Variants in CCSER1 observed in about 807,000 individuals in gnomAD.
CCSER1 encodes serine-rich coiled-coil domain-containing protein 1.
In CCSER1, 41 loss-of-function variants were observed where a neutral mutation model predicts 82.0. The ratio of observed to expected loss-of-function variants is 0.50; its 90% CI spans 0.39 to 0.65. The LOEUF is 0.65. CCSER1 is among the 30% of genes least tolerant of loss of function. The probability of loss-of-function intolerance (pLI) is 0.00; values close to 1 mark genes in which losing one functional copy is unlikely to be tolerated. For missense variants in CCSER1, 1,119 were observed against 1,064.2 expected, an observed-to-expected ratio of 1.05 and a Z score of -0.72; for synonymous variants, 414 against 383.9, an observed-to-expected ratio of 1.08 and a Z score of -0.92.
chr4:91,594,348 TATATATACACATATATATACAC>T (rs931790079), intron 10 of CCSER1, among the ~76,000 whole-genome samples: 4 of 146,656 alleles, frequency 2.7e-5, no homozygotes, highest in African/African-American at 1.0e-4. Flanking sequence ...TATATATACA[TATATATACACATATATATACAC>T]ATATATATAC....
At chr4:90,332,388 T>A (rs6821011) in intron 3 of CCSER1, among the ~76,000 whole-genome samples, 3 of 151,710 alleles carry the variant, frequency 2.0e-5, no homozygotes, top group African/African-American at 7.3e-5. Context: ...AAGCGTGCGC[T>A]ACCACCCTGG....
intron 5 of CCSER1, among the ~76,000 whole-genome samples, chr4:90,488,284 T>C (rs981747665): frequency 6.6e-6 from 1 of 152,068 alleles, no homozygotes; most frequent in Non-Finnish European, 1.5e-5. Context: ...GCCTCCATGG[T>C]TCACACCATT....
chr4:91,045,097 A>G (rs1317235715), intron 9 of CCSER1, among the ~76,000 whole-genome samples: 1 of 152,164 alleles, frequency 6.6e-6, no homozygotes, highest in Admixed American at 6.6e-5. Flanking sequence ...ACAGTGCCCT[A>G]TAGCTAGAAA....
At chr4:91,484,226 CTTAT>C (rs150736636) in intron 10 of CCSER1, among the ~76,000 whole-genome samples, 1,687 of 152,150 alleles carry the variant, frequency 0.011, 29 homozygotes, top group African/African-American at 0.039. Context: ...CTAAATTCAG[CTTAT>C]TTGAGCTTTT....
intron 10 of CCSER1, among the ~76,000 whole-genome samples, chr4:91,592,173 T>C (rs890563923): frequency 1.3e-5 from 2 of 152,108 alleles, no homozygotes; most frequent in African/African-American, 2.4e-5. Context: ...CTTAGAAAAC[T>C]TACTTACAAT....
intron 10 of CCSER1, among the ~76,000 whole-genome samples, chr4:91,288,119 T>TAC (rs1168292849): frequency 8.7e-5 from 5 of 57,460 alleles, no homozygotes; most frequent in African/African-American, 2.3e-4. Context: ...TATATATATA[T>TAC]ACACACTCAT....
chr4:91,313,108 TAATTATCA>T (rs1745600858), intron 10 of CCSER1, among the ~76,000 whole-genome samples: 1 of 151,956 alleles, frequency 6.6e-6, no homozygotes, highest in South Asian at 2.1e-4. Context: ...CACATTTTTA[TAATTATCA>T]TACCACAAAT....
chr4:91,562,988 A>G (rs771040550), intron 10 of CCSER1, among the ~76,000 whole-genome samples: 1 of 151,636 alleles, frequency 6.6e-6, no homozygotes, highest in Non-Finnish European at 1.5e-5. Flanking sequence ...GCAATTAAAA[A>G]GTCATAATTT....
At chr4:90,717,879 A>G (rs1055344883) in intron 6 of CCSER1, among the ~76,000 whole-genome samples, 4 of 151,868 alleles carry the variant, frequency 2.6e-5, no homozygotes, top group Non-Finnish European at 5.9e-5. Flanking sequence ...TTGGGCCAAC[A>G]GCAAGCTTAA....
rs560833253 is a variant in CCSER1, at chr4:91,574,107, A to G, written c.2218-24465A>G. ...ACCCAAAGTGATCTACCAAATCTCT[A>G]TCAAAATTTCAAGAGAAATTTTCAC... On this transcript the variant is annotated intron_variant, in intron 10 of 10. Coordinates refer to ENST00000509176, the MANE Select transcript of CCSER1 (RefSeq NM_001145065.2). 4.2e-4 allele frequency among the ~76,000 whole-genome samples: 64 copies of G among 152,260 alleles called. 1 individual carries two copies. The highest frequency in any genetic ancestry group is 1.9e-3 in the South Asian group (9 of 4,822).
chr4:90,518,359 G>A (rs910523101), intron 5 of CCSER1, among the ~76,000 whole-genome samples: 4 of 152,048 alleles, frequency 2.6e-5, no homozygotes, highest in African/African-American at 9.7e-5. Context: ...GAAATGTACA[G>A]TTGAAAACAA....
intron 10 of CCSER1, among the ~76,000 whole-genome samples, chr4:91,419,051 C>G (rs1470182524): frequency 2.0e-5 from 3 of 151,844 alleles, no homozygotes; most frequent in Non-Finnish European, 4.4e-5. Context: ...ACGATAACAA[C>G]TGTCAACAAA....
intron 6 of CCSER1, among the ~76,000 whole-genome samples, chr4:90,648,297 GAAAGAAAGA>G (rs924970713): frequency 1.4e-5 from 2 of 142,268 alleles, no homozygotes; most frequent in African/African-American, 5.4e-5. Flanking sequence ...AAGAAAGAAA[GAAAGAAAGA>G]AAGAAAGAAA....
intron 6 of CCSER1, among the ~76,000 whole-genome samples, chr4:90,637,287 C>A (rs534167941): frequency 6.6e-6 from 1 of 152,216 alleles, no homozygotes; most frequent in Non-Finnish European, 1.5e-5. Context: ...TACCATGTAG[C>A]CTTTTCGCTG....
chr4:90,492,689 A>G (rs2153605936), intron 5 of CCSER1, among the ~76,000 whole-genome samples: 2 of 152,250 alleles, frequency 1.3e-5, no homozygotes, highest in South Asian at 4.2e-4. Flanking sequence ...CACTGCTTTA[A>G]ATGTGTCCCA....
chr4:91,281,133 G>A (rs1742880670), intron 10 of CCSER1, among the ~76,000 whole-genome samples: 1 of 152,120 alleles, frequency 6.6e-6, no homozygotes, highest in Admixed American at 6.6e-5. Flanking sequence ...CTTGTTTTGG[G>A]GAATCTCTCC....
intron 10 of CCSER1, among the ~76,000 whole-genome samples, chr4:91,472,771 T>C (rs535751864): frequency 2.9e-4 from 44 of 152,302 alleles, no homozygotes; most frequent in Non-Finnish European, 6.2e-4. Context: ...TCATACCTTA[T>C]GACAAGCCTT....
intron 10 of CCSER1, among the ~76,000 whole-genome samples, chr4:91,393,372 A>G (rs1207534575): frequency 1.3e-5 from 2 of 152,142 alleles, no homozygotes; most frequent in Non-Finnish European, 2.9e-5. Context: ...CAAGGAATGT[A>G]AGTAAAAATT....
At chr4:90,334,661 G>C (rs1740025324) in intron 3 of CCSER1, among the ~76,000 whole-genome samples, 1 of 151,952 alleles carries the variant, frequency 6.6e-6, no homozygotes, top group South Asian at 2.1e-4. Context: ...GTATTTAAAA[G>C]CTTTCCCATT....
Sources: gnomAD v4.1 joint callset for allele counts (sites outside exome capture counted in the v4.1 genomes callset) on GRCh38, gnomAD v4.1.1 for gene constraint, MANE v1.5 for transcripts, NCBI Gene and HGNC (gene_info 2026-07-23, HGNC 2026-07-21) for gene names.